The following RBFOX1 variants were observed in gnomAD, a reference collection of about 807,000 sequenced individuals.
RBFOX1 encodes the protein RNA binding protein fox-1 homolog 1.
RBFOX1 carries 8 observed loss-of-function variants against 57.7 expected under a neutral mutation model. The observed-to-expected ratio is 0.14, with a 90% confidence interval of 0.08 to 0.25. The LOEUF (loss-of-function observed/expected upper bound fraction) is 0.25. Among genes scored for constraint, RBFOX1 ranks in the 10% least tolerant of loss-of-function variants. The pLI, the probability that RBFOX1 is intolerant of heterozygous loss-of-function variation, is 1.00. For synonymous variants in RBFOX1, 326 were observed against 222.4 expected (o/e 1.47, Z -4.15); for missense variants, 611 against 548.5 (o/e 1.11, Z -1.14).
chr16:7,362,489 A>G (rs1054205560), intron 4 of RBFOX1, among the ~76,000 whole-genome samples: 33 of 148,578 alleles, frequency 2.2e-4, no homozygotes, highest in Non-Finnish European at 8.9e-5. Flanking sequence ...TGTTTTGTGT[A>G]TATGTTAGTA....
chr16:7,031,828 A>T (rs767317109), intron 3 of RBFOX1, among the ~76,000 whole-genome samples: 1 of 152,180 alleles, frequency 6.6e-6, no homozygotes, highest in Non-Finnish European at 1.5e-5. Context: ...ATGTAAGCCA[A>T]CGTGGTCCTT....
intron 4 of RBFOX1, among the ~76,000 whole-genome samples, chr16:7,368,257 A>C (rs1263147023): frequency 6.7e-6 from 1 of 148,942 alleles, no homozygotes; most frequent in African/African-American, 2.5e-5. Context: ...ACAGAGTGAG[A>C]CTGTCTCGAA....
intron 1 of RBFOX1, among the ~76,000 whole-genome samples, chr16:6,080,387 A>G (rs114544745): frequency 2.6e-5 from 4 of 152,250 alleles, no homozygotes; most frequent in African/African-American, 7.2e-5. Context: ...TGAATCCTCT[A>G]TTGACCTACT....
At chr16:6,062,902 C>G (rs1313161030) in intron 1 of RBFOX1, among the ~76,000 whole-genome samples, 1 of 152,044 alleles carries the variant, frequency 6.6e-6, no homozygotes, top group African/African-American at 2.4e-5. Context: ...GGCCAGCTGG[C>G]TGGAAACTCA....
intron 3 of RBFOX1, among the ~76,000 whole-genome samples, chr16:7,011,107 G>T (rs570561093): frequency 1.3e-5 from 2 of 151,204 alleles, no homozygotes; most frequent in East Asian, 3.9e-4. Flanking sequence ...GTCACTGAAA[G>T]AAGAGAGGCC....
At chr16:5,373,897 C>T (rs1310956366) in intron 1 of RBFOX1, among the ~76,000 whole-genome samples, 1 of 152,120 alleles carries the variant, frequency 6.6e-6, no homozygotes, top group African/African-American at 2.4e-5. Flanking sequence ...AGCCACTGTG[C>T]CCAGCCAAAC....
At chr16:6,733,387 G>C (rs541994176) in intron 3 of RBFOX1, among the ~76,000 whole-genome samples, 1 of 152,270 alleles carries the variant, frequency 6.6e-6, no homozygotes, top group African/African-American at 2.4e-5. Context: ...CCATGTGTCA[G>C]AGCAAAGCCT....
chr16:6,620,022 C>T (rs903755300), intron 2 of RBFOX1, among the ~76,000 whole-genome samples: 1 of 152,164 alleles, frequency 6.6e-6, no homozygotes, highest in Non-Finnish European at 1.5e-5. Flanking sequence ...ATCCATGTTC[C>T]TGCAAAGGAC....
At chr16:7,001,244 T>C (rs1015639815) in intron 3 of RBFOX1, among the ~76,000 whole-genome samples, 1 of 152,132 alleles carries the variant, frequency 6.6e-6, no homozygotes, top group Non-Finnish European at 1.5e-5. Context: ...GGAATGTCTT[T>C]CTGCTGTCTC....
chr16:6,650,042 A>T (rs1014266172), intron 2 of RBFOX1, among the ~76,000 whole-genome samples: 3 of 152,166 alleles, frequency 2.0e-5, no homozygotes, highest in Admixed American at 6.6e-5. Flanking sequence ...AAGTGCAGAG[A>T]TCTCTTTGAC....
At chr16:6,945,245 C>T (rs1394723018) in intron 3 of RBFOX1, among the ~76,000 whole-genome samples, 2 of 152,080 alleles carry the variant, frequency 1.3e-5, no homozygotes, top group Non-Finnish European at 2.9e-5. Flanking sequence ...CTTCACGTGT[C>T]CTTGGGCAAG....
At chr16:6,420,236 A>G (rs2093736021) in intron 2 of RBFOX1, among the ~76,000 whole-genome samples, 1 of 152,212 alleles carries the variant, frequency 6.6e-6, no homozygotes, top group Non-Finnish European at 1.5e-5. Context: ...CAGCAAAATT[A>G]TAGATGCAGT....
At chr16:7,076,622 C>T (rs912019544) in intron 4 of RBFOX1, among the ~76,000 whole-genome samples, 4 of 152,154 alleles carry the variant, frequency 2.6e-5, no homozygotes, top group Admixed American at 6.6e-5. Flanking sequence ...TATTTTTGCA[C>T]ATGAAATTTT....
intron 1 of RBFOX1, among the ~76,000 whole-genome samples, chr16:6,198,431 C>T (rs1458935081): frequency 6.6e-6 from 1 of 152,090 alleles, no homozygotes; most frequent in Non-Finnish European, 1.5e-5. Flanking sequence ...GGGAGACCTT[C>T]TTAAAGAAAA....
chr16:6,390,841 A>G (rs1405035664), intron 2 of RBFOX1, among the ~76,000 whole-genome samples: 1 of 152,126 alleles, frequency 6.6e-6, no homozygotes, highest in Non-Finnish European at 1.5e-5. Context: ...GAACCAAGAA[A>G]GAGCCGGGCC....
intron 3 of RBFOX1, among the ~76,000 whole-genome samples, chr16:5,804,012 G>T (rs1217685039): frequency 6.6e-6 from 1 of 152,074 alleles, no homozygotes; most frequent in Non-Finnish European, 1.5e-5. Flanking sequence ...TTTCCTCTGG[G>T]AAGTCTTGCC....
intron 2 of RBFOX1, chr16:6,483,322 T>TTCTGCACCTGCTGGCGG (rs1222881264): frequency 6.8e-7 from 1 of 1,460,022 alleles, no homozygotes; most frequent in Admixed American, 2.2e-5. Flanking sequence ...GCTCGGGGCG[T>TTCTGCACCTGCTGGCGG]TCTGCACCTG....
chr16:5,473,277 C>T (rs1010226497), intron 2 of RBFOX1, among the ~76,000 whole-genome samples: 3 of 151,566 alleles, frequency 2.0e-5, no homozygotes, highest in African/African-American at 7.3e-5. Flanking sequence ...ATATAATGAA[C>T]ATCTGATAAA....
chr16:5,707,463 T>A (rs1256326906), intron 3 of RBFOX1, among the ~76,000 whole-genome samples: 1 of 152,140 alleles, frequency 6.6e-6, no homozygotes, highest in Non-Finnish European at 1.5e-5. Context: ...CAGATTGAGT[T>A]TAGTAACCAC....
Sources: allele counts gnomAD v4.1 joint callset (sites outside exome capture counted in the v4.1 genomes callset), GRCh38; gene constraint gnomAD v4.1.1; transcripts MANE v1.5; gene names NCBI Gene and HGNC (gene_info 2026-07-23, HGNC 2026-07-21).